The following ZNF438 variants were observed in gnomAD, a reference collection of about 807,000 sequenced individuals.
ZNF438 encodes zinc finger protein 438.
In ZNF438, 25 loss-of-function variants were observed where a neutral mutation model predicts 38.0. The observed-to-expected ratio is 0.66, with a 90% CI of 0.48 to 0.92. The LOEUF (loss-of-function observed/expected upper bound fraction) is 0.92, where lower values mean the gene tolerates loss of function less well. Ranked by LOEUF, ZNF438 falls within the 40% of genes least tolerant of loss-of-function variation. ZNF438 has a pLI of 0.00. For missense variants in ZNF438, 1,007 were observed against 999.6 expected, an observed-to-expected ratio of 1.01 and a Z score of -0.10; for synonymous variants, 372 against 364.1, an observed-to-expected ratio of 1.02 and a Z score of -0.25.
At chr10:30,993,015 G>A (rs2053663424) in intron 1 of ZNF438, among the ~76,000 whole-genome samples, 1 of 152,156 alleles carries the variant, frequency 6.6e-6, no homozygotes, top group Admixed American at 6.5e-5. Context: ...GTGAGATTTG[G>A]GAGCAAAGGG....
intron 2 of ZNF438, among the ~76,000 whole-genome samples, chr10:30,928,123 A>G (rs1230456428): frequency 6.6e-6 from 1 of 152,166 alleles, no homozygotes; most frequent in Non-Finnish European, 1.5e-5. Flanking sequence ...ATCCAAAGAG[A>G]GGCGACGGAA....
At chr10:30,914,632 A>T (rs114503241) in intron 2 of ZNF438, among the ~76,000 whole-genome samples, 1 of 152,026 alleles carries the variant, frequency 6.6e-6, no homozygotes, top group African/African-American at 2.4e-5. Flanking sequence ...TCATTAAAAA[A>T]CAGCTTTAAA....
chr10:30,931,548 A>G (rs2045698849), intron 2 of ZNF438, among the ~76,000 whole-genome samples: 2 of 152,308 alleles, frequency 1.3e-5, no homozygotes, highest in South Asian at 4.1e-4. Context: ...TAAAATCGCA[A>G]ATCAGAAATA....
At chr10:30,896,079 A>G (rs1203547435) in intron 3 of ZNF438, among the ~76,000 whole-genome samples, 1 of 152,178 alleles carries the variant, frequency 6.6e-6, no homozygotes, top group Non-Finnish European at 1.5e-5. Flanking sequence ...AGAGGGGCAG[A>G]TCATGTCAGA....
At chr10:30,881,403 T>G in intron 3 of ZNF438, among the ~76,000 whole-genome samples, 1 of 152,128 alleles carries the variant, frequency 6.6e-6, no homozygotes, top group Non-Finnish European at 1.5e-5. Flanking sequence ...AAAAATGAAA[T>G]AATTAAGGAT....
chr10:30,872,086 T>A (rs1044977445), intron 4 of ZNF438, among the ~76,000 whole-genome samples: 1 of 152,114 alleles, frequency 6.6e-6, no homozygotes, highest in African/African-American at 2.4e-5. Flanking sequence ...ACTGTAAGGC[T>A]GACAAGTGAC....
intron 4 of ZNF438, chr10:30,857,663 T>C (rs1475304813): frequency 6.7e-7 from 1 of 1,501,038 alleles, no homozygotes; most frequent in Admixed American, 2.0e-5. Flanking sequence ...ATTTTTATAT[T>C]TGAATTTGCC....
intron 2 of ZNF438, among the ~76,000 whole-genome samples, chr10:30,925,942 G>A (rs7068556): frequency 0.43 from 64,711 of 151,982 alleles, 14,183 homozygotes; most frequent in Non-Finnish European, 0.46. Flanking sequence ...TTTTGAGGGG[G>A]ATGCTGACAT....
At chr10:30,905,136 C>T (rs186908658) in intron 3 of ZNF438, among the ~76,000 whole-genome samples, 39 of 152,306 alleles carry the variant, frequency 2.6e-4, no homozygotes, top group Admixed American at 8.5e-4. Context: ...AAGAGGTTTA[C>T]AATATAAATA....
chr10:30,849,461 G>A (rs753107166), exon 5 of ZNF438: 3 of 1,614,074 alleles, frequency 1.9e-6, no homozygotes, highest in African/African-American at 1.3e-5. Context: ...AGAAAAACCT[G>A]CAATGTTAGC....
intron 1 of ZNF438, among the ~76,000 whole-genome samples, chr10:30,964,998 T>C (rs2049953610): frequency 6.6e-6 from 1 of 152,098 alleles, no homozygotes; most frequent in Non-Finnish European, 1.5e-5. Flanking sequence ...ATCAACAGCA[T>C]AAACAGACCT....
intron 2 of ZNF438, among the ~76,000 whole-genome samples, chr10:30,918,656 TG>T (rs1238721026): frequency 2.0e-5 from 3 of 152,202 alleles, no homozygotes; most frequent in Non-Finnish European, 2.9e-5. Context: ...TACTATATTC[TG>T]TATGGTAAAC....
intron 1 of ZNF438, among the ~76,000 whole-genome samples, chr10:30,986,892 T>C (rs1157182103): frequency 6.6e-6 from 1 of 152,212 alleles, no homozygotes; most frequent in Non-Finnish European, 1.5e-5. Context: ...GTCAATTCTA[T>C]TTGTTTTTAC....
chr10:30,884,729 A>T (rs2039723898), intron 3 of ZNF438, among the ~76,000 whole-genome samples: 1 of 152,210 alleles, frequency 6.6e-6, no homozygotes, highest in Admixed American at 6.5e-5. Context: ...ATTTAAAGAG[A>T]GTTGATTAAA....
At chr10:31,005,472 C>T (rs968040700) in intron 1 of ZNF438, among the ~76,000 whole-genome samples, 8 of 151,966 alleles carry the variant, frequency 5.3e-5, no homozygotes, top group African/African-American at 1.9e-4. Context: ...AAGTTGAATA[C>T]TTAGAGAACA....
At chr10:30,930,095 G>A (rs368846771) in intron 2 of ZNF438, among the ~76,000 whole-genome samples, 50 of 150,784 alleles carry the variant, frequency 3.3e-4, no homozygotes, top group East Asian at 1.6e-3. Flanking sequence ...AGCAGGTGCC[G>A]CAGAGCAGGG....
At chr10:30,921,046 A>G (rs1269570346) in intron 2 of ZNF438, 1 of 152,180 alleles carries the variant, frequency 6.6e-6, no homozygotes, top group Non-Finnish European at 1.5e-5. Context: ...GAAAGAGGCA[A>G]AGTTAATGTT....
At chr10:30,878,972 G>A (rs2038854906) in intron 3 of ZNF438, among the ~76,000 whole-genome samples, 1 of 152,134 alleles carries the variant, frequency 6.6e-6, no homozygotes, top group Non-Finnish European at 1.5e-5. Flanking sequence ...CAATTGCAAT[G>A]AGCCCTATTG....
chr10:30,895,985 A>C (rs2041276763), intron 3 of ZNF438, among the ~76,000 whole-genome samples: 1 of 152,186 alleles, frequency 6.6e-6, no homozygotes, highest in African/African-American at 2.4e-5. Flanking sequence ...ATGGTCTAGC[A>C]ATTCCACATC....
Sources: allele counts gnomAD v4.1 joint callset (sites outside exome capture counted in the v4.1 genomes callset), GRCh38; gene constraint gnomAD v4.1.1; transcripts MANE v1.5; gene names NCBI Gene and HGNC (gene_info 2026-07-23, HGNC 2026-07-21).